The following SIRPB1 variants were observed in gnomAD, a reference collection of about 807,000 sequenced individuals.
SIRPB1 encodes the protein signal regulatory protein beta 1, also known as signal-regulatory protein beta-1.
In SIRPB1, 28 loss-of-function variants were observed where a neutral mutation model predicts 34.1. The ratio of observed to expected loss-of-function variants is 0.82; its 90% CI spans 0.61 to 1.12. The LOEUF is 1.12. SIRPB1 is among the 50% of genes most tolerant of loss of function. The pLI, the probability that SIRPB1 is intolerant of heterozygous loss-of-function variation, is 0.00. For synonymous variants in SIRPB1, 211 were observed against 203.8 expected, an observed-to-expected ratio of 1.04 and a Z score of -0.30; for missense variants, 499 against 507.0, an observed-to-expected ratio of 0.98 and a Z score of 0.15.
At chr20:1,566,101 G>T in intron 5 of SIRPB1, 52 bp downstream of exon 5, 3 of 1,188,794 alleles carry the variant, frequency 2.5e-6, no homozygotes, top group Non-Finnish European at 2.5e-6. Flanking sequence ...CCTCCTGCTG[G>T]CCTTGCCTTT....
At position 1,619,855 on chromosome 20, in the gene SIRPB1, A is replaced by G; in HGVS notation, c.76+14T>C. ...TGGGCAGGAAAAAAGATTTTAACCG[A>G]AGGCAGTGCTCACCTGTGAGTCTCC... On this transcript the variant is annotated intron_variant, in intron 1 of 5. Coordinates refer to ENST00000381605, the MANE Select transcript of SIRPB1 (RefSeq NM_006065.5). The G allele has an allele frequency of 1.9e-6, 3 of 1,590,734 alleles. No individual in the cohort carries two copies.
At position 1,562,853 on chromosome 20, in the gene SIRPB1, A is replaced by G. The variant is rs2091091712; in HGVS notation, c.*2647T>C. Among the ~76,000 whole-genome samples, 1 of 152,226 alleles carries G rather than the reference A, an allele frequency of 6.6e-6. No individual in the cohort carries two copies. The highest frequency in any genetic ancestry group is 6.5e-5 in the Admixed American group (1 of 15,280). ...TAATTGAAAGAGGAATTTTGCAACC[A>G]AGATGAAAGTGCAGTGAAGAAATGA... On this transcript the variant is annotated 3_prime_UTR_variant, in exon 6 of 6. Transcript: ENST00000381605.
At chr20:1,570,413 G>C (rs2122183039) in intron 4 of SIRPB1, 1 of 167,468 alleles carries the variant, frequency 6.0e-6, no homozygotes, top group South Asian at 1.5e-4. Context: ...GATAGAATAG[G>C]GACAAGGTAG....
chr20:1,592,293 A>G (rs1377211389), intron 1 of SIRPB1, among the ~76,000 whole-genome samples: 1 of 47,532 alleles, frequency 2.1e-5, no homozygotes, highest in Non-Finnish European at 4.0e-5. Flanking sequence ...CGATTCTCCC[A>G]CCTCAGCCTC....
At chr20:1,567,614 C>G (rs1173620837) in intron 4 of SIRPB1, among the ~76,000 whole-genome samples, 1 of 152,172 alleles carries the variant, frequency 6.6e-6, no homozygotes, top group Non-Finnish European at 1.5e-5. Flanking sequence ...AATGAGGACC[C>G]CAGGGCTGGT....
chr20:1,564,127 G>A lies in SIRPB1; in HGVS notation c.*1373C>T, dbSNP rs1177435456. On this transcript the variant is annotated 3_prime_UTR_variant, in exon 6 of 6. Coordinates refer to ENST00000381605, the MANE Select transcript of SIRPB1 (RefSeq NM_006065.5). ...TTGTCCTCTACATTTGTAACTGAGA[G>A]TGTGAGAGTTTCTAATATTTTGACA... 1 of 152,160 alleles carries A rather than the reference G, an allele frequency of 6.6e-6. No homozygotes were observed. The highest frequency in any genetic ancestry group is 6.5e-5 in the Admixed American group (1 of 15,274). 9.4% of individuals were successfully genotyped at this position (152,160 alleles called of 1,614,324 possible). A position where few individuals can be genotyped will look rare whatever the true frequency, so the allele number is the denominator to read the frequency against.
chr20:1,611,590 C>A lies in SIRPB1; in HGVS notation c.76+8279G>T, dbSNP rs748136289. 2 of 1,222,468 alleles carry A rather than the reference C, an allele frequency of 1.6e-6. 1 individual carries two copies. The highest frequency in any genetic ancestry group is 2.9e-5 in the South Asian group (2 of 68,836). The allele number at this position is 1,222,468 out of a possible 1,614,324, so 75.7% of individuals were successfully genotyped here. On this transcript the variant is annotated intron_variant, in intron 1 of 5. Transcript: ENST00000381605. ...CCGGCCTGGTCCAGCTCCTCTGAAC[C>A]ACTGGATGGGCCCCACAGGGATCAG...
chr20:1,565,804 C>T (rs2253821), intron 5 of SIRPB1, among the ~76,000 whole-genome samples: 27,898 of 151,568 alleles, frequency 0.18, 3,045 homozygotes, highest in Non-Finnish European at 0.25. Context: ...ACTTTGAACC[C>T]ATGGAGTCCC....
intron 4 of SIRPB1, among the ~76,000 whole-genome samples, chr20:1,566,583 T>C (rs2091139594): frequency 6.6e-6 from 1 of 152,022 alleles, no homozygotes; most frequent in Admixed American, 6.6e-5. Context: ...GGGGCAGGGA[T>C]TATTATTCCA....
At position 1,578,092 on chromosome 20, in the gene SIRPB1, A is replaced by T. The variant is rs182407727; in HGVS notation, c.433+246T>A. ...AGGGCTGGGTCAGCTTTGGAAACAC[A>T]AGAGCTGTAGAGCCGCAGACTGGGG... is the stretch of plus-strand genomic sequence containing the variant. On this transcript the variant is annotated intron_variant, in intron 2 of 5. Transcript: ENST00000381605. The T allele has an allele frequency of 1.7e-4, 91 of 533,876 alleles. 3 individuals are homozygous for T. The highest frequency in any genetic ancestry group is 1.6e-3 in the African/African-American group (82 of 52,312). The allele number at this position is 533,876 out of a possible 1,614,324, so 33.1% of individuals were successfully genotyped here.
rs139381876 is a variant in SIRPB1, at chr20:1,561,854, G to A, written c.*3646C>T. On this transcript the variant is annotated 3_prime_UTR_variant, in exon 6 of 6. Transcript: ENST00000381605. Reference sequence around the variant, plus strand: ...ATGCTGTACTCTTTGCAAAGAAGTCGCAGTGCACAGCCCACACTTCAGGAG... The same window carrying A: ...ATGCTGTACTCTTTGCAAAGAAGTCACAGTGCACAGCCCACACTTCAGGAG... 6.6e-6 allele frequency among the ~76,000 whole-genome samples: 1 copy of A among 152,176 alleles called. No individual in the cohort carries two copies. The highest frequency in any genetic ancestry group is 1.5e-5 in the Non-Finnish European group (1 of 68,006).
At position 1,578,524 on chromosome 20, in the gene SIRPB1, C is replaced by T. The variant is rs2091353199; in HGVS notation, c.247G>A (p.Glu83Lys). 6.3e-7 allele frequency: 1 copy of T among 1,583,898 alleles called. No homozygotes were observed. The highest frequency in any genetic ancestry group is 8.6e-7 in the Non-Finnish European group (1 of 1,157,632). The change falls in exon 2 of 6, where the codon GAA (glutamate) becomes AAA (lysine). Residue 83 changes from glutamate to lysine, a missense_variant. By Grantham distance (56) the Glu-to-Lys change is moderately conservative. Transcript: ENST00000381605. The part of the protein sequence containing the change: ...AGRELIYNQK[E>K]GHFPRVTTVS... ...GTTGTTACCCGTGGGAAGTGGCCTTCTTTCTGATTGTAGATTAATTCCCGG... is the reference window on the plus strand; with the variant it reads ...GTTGTTACCCGTGGGAAGTGGCCTTTTTTCTGATTGTAGATTAATTCCCGG...
At chr20:1,613,758 A>T (rs764900971) in intron 1 of SIRPB1, among the ~76,000 whole-genome samples, 27 of 152,232 alleles carry the variant, frequency 1.8e-4, no homozygotes, top group Non-Finnish European at 3.5e-4. Context: ...AAATGTATCA[A>T]CATACACCTT....
rs2062219096 is a variant in SIRPB1 at position 1,571,135 on chromosome 20, G to A, written c.754C>T (p.Pro252Ser). ...TANLSEAIRVPPTLEVTQQPM... is the reference protein window; with the variant it reads ...TANLSEAIRVSPTLEVTQQPM... The stretch of plus-strand genomic sequence containing the variant: ...TGTTGAGTAACCTCCAAGGTGGGTG[G>A]AACTGAAACAGCACAGGGCAGAAGC... The change falls in exon 4 of 6, where the codon CCA (proline) becomes TCA (serine). Residue 252 changes from proline (P) to serine (S), a missense_variant and splice_region_variant. Pro to Ser is a moderately conservative substitution (Grantham distance 74, BLOSUM62 -1). Coordinates refer to ENST00000381605, the MANE Select transcript of SIRPB1 (RefSeq NM_006065.5). The A allele has an allele frequency of 6.2e-7, 1 of 1,612,772 alleles. No individual in the cohort carries two copies. Among genetic ancestry groups the A allele is most frequent in the East Asian group, 2.2e-5 (1 of 44,888 alleles).
Position 1,571,752 on chromosome 20 carries a change from C to T in SIRPB1, c.719G>A (p.Arg240His), listed in dbSNP as rs766810178. ...AHITLQGDPL[R>H]GTANLSEAIR... is the part of the protein sequence containing the mutation. ...GGCCTCAGACAAGTTGGCAGTCCCA[C>T]GAAGAGGGTCCCCCTGCAAGGTGAT... The change falls in exon 3 of 6, where the codon CGT becomes CAT. Residue 240 changes from arginine to histidine, a missense_variant. By Grantham distance (29) the Arg-to-His change is conservative. Transcript: ENST00000381605. 30 of 1,614,068 alleles carry T rather than the reference C, an allele frequency of 1.9e-5. No homozygotes were observed. The highest frequency in any genetic ancestry group is 1.6e-4 in the Middle Eastern group (1 of 6,084).
chr20:1,617,506 T>C (rs181993680), intron 1 of SIRPB1, among the ~76,000 whole-genome samples: 1 of 152,318 alleles, frequency 6.6e-6, no homozygotes, highest in East Asian at 1.9e-4. Flanking sequence ...AAGTAGATAG[T>C]AGAATATTGG....
intron 2 of SIRPB1, chr20:1,578,053 A>G: frequency 2.1e-6 from 1 of 467,374 alleles, no homozygotes; most frequent in Non-Finnish European, 3.9e-6. Context: ...GAGTTCCCTC[A>G]TCTGTGGAAC....
chr20:1,616,620 T>C (rs539062057), intron 1 of SIRPB1, among the ~76,000 whole-genome samples: 1 of 152,196 alleles, frequency 6.6e-6, no homozygotes, highest in Non-Finnish European at 1.5e-5. Context: ...GGAAGAAAAG[T>C]GCCATGACAT....
In SIRPB1 at chr20:1,603,134, A is replaced by T; in HGVS notation, c.76+16735T>A. ...GCCAGTCATCTGGTCTAATGCCTTG[A>T]TCTAATTGTCTTCAACAATATCCCC... is the stretch of plus-strand genomic sequence containing the variant. On this transcript the variant is annotated intron_variant, in intron 1 of 5. Transcript: ENST00000381605. The T allele has an allele frequency of 1.2e-5, 2 of 164,716 alleles. 1 individual carries two copies. Among genetic ancestry groups the T allele is most frequent in the Non-Finnish European group, 2.3e-5 (2 of 85,368 alleles). 10.2% of individuals were successfully genotyped at this position (164,716 alleles called of 1,614,324 possible).
Sources: gnomAD v4.1 joint callset for allele counts (sites outside exome capture counted in the v4.1 genomes callset) on GRCh38, gnomAD v4.1.1 for gene constraint, MANE v1.5 for transcripts, NCBI Gene and HGNC (gene_info 2026-07-23, HGNC 2026-07-21) for gene names.